Variants in MAST4 observed in about 807,000 individuals in gnomAD.
MAST4 encodes the protein microtubule associated serine/threonine kinase family member 4, also known as microtubule-associated serine/threonine-protein kinase 4.
MAST4 carries 89 observed loss-of-function variants against 162.7 expected under a neutral mutation model. The observed-to-expected ratio is 0.55, with a 90% CI of 0.46 to 0.65. The LOEUF (loss-of-function observed/expected upper bound fraction) is 0.65, where lower values mean the gene tolerates loss of function less well. Among genes scored for constraint, MAST4 ranks in the 30% least tolerant of loss-of-function variants. MAST4 has a pLI of 0.00. For synonymous variants in MAST4, 1,479 were observed against 1,361.1 expected (o/e 1.09, Z -1.91); for missense variants, 3,153 against 3,374.0 (o/e 0.93, Z 1.62).
At chr5:66,956,891 C>T (rs1163948012) in intron 4 of MAST4, among the ~76,000 whole-genome samples, 1 of 151,980 alleles carries the variant, frequency 6.6e-6, no homozygotes, top group Non-Finnish European at 1.5e-5. Context: ...AATAATCTAG[C>T]CAAGATACAA....
intron 3 of MAST4, among the ~76,000 whole-genome samples, chr5:66,840,034 C>CT (rs1041301494): frequency 1.9e-4 from 29 of 150,918 alleles, no homozygotes; most frequent in Middle Eastern, 3.4e-3. Flanking sequence ...ACTAGCTTCA[C>CT]TTTTTTTTTG....
At chr5:66,879,670 G>A (rs1010601464) in intron 3 of MAST4, among the ~76,000 whole-genome samples, 2 of 152,110 alleles carry the variant, frequency 1.3e-5, no homozygotes, top group Non-Finnish European at 2.9e-5. Context: ...ACATCACCAC[G>A]CCCAGATAAT....
chr5:66,688,777 T>C (rs1452498857), intron 1 of MAST4, among the ~76,000 whole-genome samples: 2 of 152,152 alleles, frequency 1.3e-5, no homozygotes, highest in African/African-American at 2.4e-5. Context: ...TTGTGGACTC[T>C]TAGGCAATGG....
At chr5:66,924,218 T>C (rs922732608) in intron 4 of MAST4, among the ~76,000 whole-genome samples, 1 of 152,150 alleles carries the variant, frequency 6.6e-6, no homozygotes, top group Non-Finnish European at 1.5e-5. Flanking sequence ...CATTTTGACC[T>C]TTCTGAACTT....
chr5:66,721,859 A>G (rs529690298), intron 1 of MAST4, among the ~76,000 whole-genome samples: 1 of 151,918 alleles, frequency 6.6e-6, no homozygotes, highest in South Asian at 2.1e-4. Flanking sequence ...CTGAGGCTAT[A>G]TTGAAATCAT....
intron 5 of MAST4, among the ~76,000 whole-genome samples, chr5:67,077,783 A>T (rs1291399167): frequency 6.6e-6 from 1 of 152,210 alleles, no homozygotes; most frequent in South Asian, 2.1e-4. Flanking sequence ...TATAGATTTT[A>T]AAAAATGAAT....
chr5:67,003,339 T>G (rs975318437), intron 4 of MAST4, among the ~76,000 whole-genome samples: 1 of 152,140 alleles, frequency 6.6e-6, no homozygotes, highest in South Asian at 2.1e-4. Context: ...ACGAAAGCCT[T>G]GGACATGAAA....
At chr5:67,113,181 G>A (rs1213908622) in intron 11 of MAST4, among the ~76,000 whole-genome samples, 1 of 151,914 alleles carries the variant, frequency 6.6e-6, no homozygotes, top group Non-Finnish European at 1.5e-5. Context: ...GGGCGTGGTG[G>A]TGGGCGCCTG....
chr5:66,599,996 A>G lies in MAST4; in HGVS notation c.363+2978A>G, dbSNP rs535554296. ...AAGCAGTAAAATTCAAGCTTCTAGT[A>G]TATTAGGGCAGTGCTAATTTCTTTG... On this transcript the variant is annotated intron_variant, in intron 1 of 28. Coordinates refer to ENST00000403625, the MANE Select transcript of MAST4 (RefSeq NM_001164664.2). Among the ~76,000 whole-genome samples the G allele has an allele frequency of 7.2e-5, 11 of 152,218 alleles. No individual in the cohort carries two copies. In the East Asian group the frequency reaches 1.5e-3, roughly 21 times the overall value.
At chr5:67,022,683 C>G (rs970632806) in intron 4 of MAST4, among the ~76,000 whole-genome samples, 1 of 152,278 alleles carries the variant, frequency 6.6e-6, no homozygotes, top group East Asian at 1.9e-4. Context: ...TACTTTTCCC[C>G]TTTAACACAT....
intron 4 of MAST4, among the ~76,000 whole-genome samples, chr5:67,023,114 C>T (rs1479361408): frequency 1.3e-5 from 2 of 152,104 alleles, no homozygotes; most frequent in Non-Finnish European, 2.9e-5. Flanking sequence ...GTAGAATCAT[C>T]AATTCATTAG....
chr5:67,095,918 A>T (rs565128801), intron 7 of MAST4, among the ~76,000 whole-genome samples: 1 of 152,190 alleles, frequency 6.6e-6, no homozygotes, highest in Non-Finnish European at 1.5e-5. Flanking sequence ...GTTTGGAGGA[A>T]ACTGGAAGCT....
At chr5:66,707,554 C>G (rs1638600208) in intron 1 of MAST4, among the ~76,000 whole-genome samples, 1 of 152,172 alleles carries the variant, frequency 6.6e-6, no homozygotes, top group Admixed American at 6.6e-5. Flanking sequence ...GTGGTTGGCT[C>G]TCTTCTCTCT....
chr5:67,101,793 C>A (rs907155005), intron 8 of MAST4, among the ~76,000 whole-genome samples: 4 of 151,762 alleles, frequency 2.6e-5, no homozygotes, highest in Non-Finnish European at 5.9e-5. Context: ...CTACAGGCAC[C>A]ATGTTTTACT....
intron 5 of MAST4, among the ~76,000 whole-genome samples, chr5:67,086,387 A>G (rs1164106208): frequency 6.6e-6 from 1 of 152,204 alleles, no homozygotes; most frequent in Non-Finnish European, 1.5e-5. Context: ...CAATTTAATT[A>G]ATCTGGAAAT....
intron 4 of MAST4, chr5:67,003,737 C>G (rs1751558699): frequency 6.6e-6 from 1 of 152,076 alleles, no homozygotes; most frequent in Non-Finnish European, 1.5e-5. Flanking sequence ...CATTCAGCCC[C>G]CTTCATTCTG....
chr5:66,705,271 C>T (rs1050027612), intron 1 of MAST4, among the ~76,000 whole-genome samples: 17 of 152,230 alleles, frequency 1.1e-4, no homozygotes, highest in South Asian at 2.1e-4. Context: ...TTCCTTTTTT[C>T]TATTTTTAAT....
chr5:66,853,952 T>C (rs1283021838), intron 3 of MAST4, among the ~76,000 whole-genome samples: 1 of 152,184 alleles, frequency 6.6e-6, no homozygotes, highest in Non-Finnish European at 1.5e-5. Flanking sequence ...TTATAACAAA[T>C]CATAGTTTAA....
At chr5:66,759,936 C>G in intron 2 of MAST4, 74 bp downstream of exon 2, 1 of 1,510,396 alleles carries the variant, frequency 6.6e-7, no homozygotes, top group African/African-American at 1.4e-5. Context: ...CAGAGTTCCA[C>G]ATGTAATCAG....
Sources: allele counts gnomAD v4.1 joint callset (sites outside exome capture counted in the v4.1 genomes callset), GRCh38; gene constraint gnomAD v4.1.1; transcripts MANE v1.5; gene names NCBI Gene and HGNC (gene_info 2026-07-23, HGNC 2026-07-21).